Variants in ZMYM2 observed in about 807,000 individuals in gnomAD.
ZMYM2 encodes zinc finger MYM-type containing 2.
ZMYM2 carries 56 observed loss-of-function variants against 162.8 expected under a neutral mutation model. The ratio of observed to expected loss-of-function variants is 0.34; its 90% CI spans 0.28 to 0.43. The LOEUF is 0.43. Among genes scored for constraint, ZMYM2 ranks in the 20% least tolerant of loss-of-function variants. The probability of loss-of-function intolerance (pLI) is 1.00; values close to 1 mark genes in which losing one functional copy is unlikely to be tolerated. For synonymous variants in ZMYM2, 510 were observed against 541.6 expected, an observed-to-expected ratio of 0.94 and a Z score of 0.81; for missense variants, 1,275 against 1,621.8, an observed-to-expected ratio of 0.79 and a Z score of 3.67.
chr13:20,064,970 T>C (rs1290630185), intron 19 of ZMYM2, among the ~76,000 whole-genome samples: 6 of 152,084 alleles, frequency 3.9e-5, no homozygotes, highest in Non-Finnish European at 7.4e-5. Context: ...TTTTCCACGA[T>C]TATTTCTGAT....
At chr13:19,886,691 C>T in the ZMYM2 span, among the ~76,000 whole-genome samples, 8 of 151,708 alleles carry the variant, frequency 5.3e-5, no homozygotes, top group African/African-American at 1.9e-4. Flanking sequence ...TTCTGTCACC[C>T]AGGCTGGAGT....
At chr13:19,892,404 C>T in the ZMYM2 span, among the ~76,000 whole-genome samples, 4 of 151,106 alleles carry the variant, frequency 2.6e-5, no homozygotes, top group Non-Finnish European at 5.9e-5. Context: ...CCCAAGTAGC[C>T]GGGACTACAG....
intron 11 of ZMYM2, among the ~76,000 whole-genome samples, chr13:20,034,907 T>C (rs767210524): frequency 6.6e-6 from 1 of 152,196 alleles, no homozygotes; most frequent in Non-Finnish European, 1.5e-5. Flanking sequence ...TTTCCTCTTA[T>C]CTACACTTTT....
intron 2 of ZMYM2, among the ~76,000 whole-genome samples, chr13:19,968,009 A>T (rs943289584): frequency 6.6e-6 from 1 of 151,968 alleles, no homozygotes; most frequent in Non-Finnish European, 1.5e-5. Context: ...TATCCTCCAG[A>T]ATCTCTGCAT....
the ZMYM2 span, among the ~76,000 whole-genome samples, chr13:19,888,289 C>T: frequency 6.6e-6 from 1 of 151,778 alleles, no homozygotes; most frequent in East Asian, 1.9e-4. Context: ...CCTGGGCTCA[C>T]GCAGTTCTCC....
chr13:19,995,632 G>A (rs139757680), intron 3 of ZMYM2, among the ~76,000 whole-genome samples: 2,083 of 152,184 alleles, frequency 0.014, 40 homozygotes, highest in African/African-American at 0.047. Flanking sequence ...ATCTGCCTTG[G>A]CCTCTCAAAG....
intron 21 of ZMYM2, among the ~76,000 whole-genome samples, chr13:20,073,229 C>T (rs927783552): frequency 6.6e-6 from 1 of 152,112 alleles, no homozygotes; most frequent in African/African-American, 2.4e-5. Context: ...CTTGAACAAT[C>T]CAGCTCAGGA....
chr13:19,951,942 T>G, the ZMYM2 span, among the ~76,000 whole-genome samples: 1 of 152,182 alleles, frequency 6.6e-6, no homozygotes, highest in Non-Finnish European at 1.5e-5. Context: ...ACTCTCATGT[T>G]CATTGCAGTA....
chr13:20,073,389 C>T (rs943840861), intron 21 of ZMYM2, among the ~76,000 whole-genome samples: 4 of 152,136 alleles, frequency 2.6e-5, no homozygotes, highest in African/African-American at 9.7e-5. Flanking sequence ...ATCCTTAGCT[C>T]ATAGGTTTGT....
chr13:20,061,190 A>G lies in ZMYM2; in HGVS notation c.2877A>G (p.Glu959=), dbSNP rs756992779. The G allele has an allele frequency of 6.2e-7, 1 of 1,613,872 alleles. No homozygotes were observed. Among genetic ancestry groups the G allele is most frequent in the African/African-American group, 1.3e-5 (1 of 75,054 alleles). The change falls in exon 17 of 25, where the codon GAA becomes GAG. Residue 959 remains glutamate (E), a synonymous_variant. Coordinates refer to ENST00000610343, the MANE Select transcript of ZMYM2 (RefSeq NM_197968.4). ...TTACAATGACGGATATGATGAGTGA[A>G]GACGAGGGGAAAACAGAGACAACCA... ...ELLTMTDMMS[E]DEGKTETTNI...
chr13:20,021,102 A>G (rs1952049859), intron 7 of ZMYM2, among the ~76,000 whole-genome samples: 1 of 151,110 alleles, frequency 6.6e-6, no homozygotes, highest in Non-Finnish European at 1.5e-5. Flanking sequence ...CAGCCTCCCT[A>G]GTAGCTGGGA....
Position 20,068,132 on chromosome 13 carries a change from G to A in ZMYM2, c.3453+742G>A, listed in dbSNP as rs373687612. On this transcript the variant is annotated intron_variant, in intron 21 of 24. Coordinates refer to ENST00000610343, the MANE Select transcript of ZMYM2 (RefSeq NM_197968.4). ...GTAAGTGGTGGTGCAGATATATAGTGCATGGCTATAAATCACTGTATTCAA... is the reference window on the plus strand; with the variant it reads ...GTAAGTGGTGGTGCAGATATATAGTACATGGCTATAAATCACTGTATTCAA... The A allele has an allele frequency of 6.1e-5, 11 of 179,878 alleles. No homozygotes were observed. The East Asian group carries it at 7.3e-4, about 12-fold the overall frequency. The allele number at this position is 179,878 out of a possible 1,614,324, so 11.1% of individuals were successfully genotyped here.
chr13:20,008,132 T>C, intron 6 of ZMYM2, among the ~76,000 whole-genome samples: 1 of 152,124 alleles, frequency 6.6e-6, no homozygotes. Flanking sequence ...ATTGTTGTTG[T>C]TTTTTGTTTT....
intron 6 of ZMYM2, among the ~76,000 whole-genome samples, chr13:20,014,912 G>A (rs1001851407): frequency 2.0e-5 from 3 of 151,702 alleles, no homozygotes; most frequent in Non-Finnish European, 2.9e-5. Flanking sequence ...TTACAGGCAT[G>A]TGCCACCACA....
chr13:19,884,556 G>C, the ZMYM2 span, among the ~76,000 whole-genome samples: 2 of 151,940 alleles, frequency 1.3e-5, no homozygotes, highest in Non-Finnish European at 2.9e-5. Flanking sequence ...CCGGGCAACA[G>C]AGAAGGAAAC....
At chr13:20,025,564 A>G (rs1317300385) in intron 7 of ZMYM2, 5 of 159,150 alleles carry the variant, frequency 3.1e-5, no homozygotes, top group Non-Finnish European at 5.5e-5. Flanking sequence ...GGGCTCAAGC[A>G]TTCCACCTCC....
chr13:19,884,835 A>G, the ZMYM2 span, among the ~76,000 whole-genome samples: 8 of 152,052 alleles, frequency 5.3e-5, no homozygotes, highest in African/African-American at 1.9e-4. Context: ...CCAGCAGTAA[A>G]AGAAAACCTG....
chr13:20,081,309 C>T (rs1258701535), intron 21 of ZMYM2, among the ~76,000 whole-genome samples: 1 of 152,178 alleles, frequency 6.6e-6, no homozygotes, highest in Non-Finnish European at 1.5e-5. Flanking sequence ...AGTGTACTCC[C>T]AATTCTTGCC....
chr13:19,988,653 C>T (rs989117045), intron 2 of ZMYM2, among the ~76,000 whole-genome samples: 2 of 152,088 alleles, frequency 1.3e-5, no homozygotes, highest in Non-Finnish European at 2.9e-5. Flanking sequence ...CGTGGTGGCG[C>T]ATGCCTATGG....
Sources: gnomAD v4.1 joint callset for allele counts (sites outside exome capture counted in the v4.1 genomes callset) on GRCh38, gnomAD v4.1.1 for gene constraint, MANE v1.5 for transcripts, NCBI Gene and HGNC (gene_info 2026-07-23, HGNC 2026-07-21) for gene names.